The following CHRDL2 variants were observed in gnomAD, a reference collection of about 807,000 sequenced individuals.
CHRDL2 encodes chordin-like protein 2.
Under a neutral mutation model 54.3 loss-of-function variants are expected in CHRDL2, and 41 were observed. That is an observed-to-expected ratio of 0.76 (90% CI 0.59 to 0.98). CHRDL2 has a LOEUF of 0.98. CHRDL2 is among the 50% of genes least tolerant of loss of function. CHRDL2 has a pLI of 0.00. For missense variants in CHRDL2, 518 were observed against 562.4 expected, an observed-to-expected ratio of 0.92 and a Z score of 0.80; for synonymous variants, 220 against 224.3, an observed-to-expected ratio of 0.98 and a Z score of 0.17.
intron 9 of CHRDL2, chr11:74,697,598 C>A: frequency 2.0e-6 from 1 of 496,980 alleles, no homozygotes. Context: ...ATGTATACGT[C>A]ACCCTGTCAT....
At chr11:74,702,680 G>C in intron 9 of CHRDL2, 114 bp downstream of exon 9, 1 of 1,024,786 alleles carries the variant, frequency 9.8e-7, no homozygotes, top group Admixed American at 2.0e-5. Flanking sequence ...AAACCTGGCG[G>C]GGCAGCCAGA....
At chr11:74,726,724 C>T (rs988662524) in intron 1 of CHRDL2, among the ~76,000 whole-genome samples, 4 of 152,188 alleles carry the variant, frequency 2.6e-5, no homozygotes, top group African/African-American at 9.7e-5. Context: ...GGCTCAGCAG[C>T]CTGTGCGCCA....
At chr11:74,727,976 G>C (rs549396075) in intron 1 of CHRDL2, among the ~76,000 whole-genome samples, 2 of 152,248 alleles carry the variant, frequency 1.3e-5, no homozygotes, top group African/African-American at 4.8e-5. Context: ...GTACTGGTCA[G>C]TAACCAGGTC....
chr11:74,725,711 G>A (rs527856667), intron 1 of CHRDL2, among the ~76,000 whole-genome samples: 1 of 152,310 alleles, frequency 6.6e-6, no homozygotes, highest in South Asian at 2.1e-4. Flanking sequence ...GGCTGGAGGG[G>A]AGGCTGGTCA....
rs1028525888 is a variant in CHRDL2, at chr11:74,727,311, C to T, written c.82+3496G>A. On this transcript the variant is annotated intron_variant, in intron 1 of 10. Coordinates refer to ENST00000376332, the MANE Select transcript of CHRDL2 (RefSeq NM_001278473.3). Reference sequence around the variant, plus strand: ...CACATCCTACCAGCGGAGCTCCCTTCCTGTCCCATGCCTGCGTCTAGGGTC... The same window carrying T: ...CACATCCTACCAGCGGAGCTCCCTTTCTGTCCCATGCCTGCGTCTAGGGTC... 5.0e-4 allele frequency among the ~76,000 whole-genome samples: 76 copies of T among 152,212 alleles called. 1 individual carries two copies. The highest frequency in any genetic ancestry group is 1.2e-4 in the Non-Finnish European group (8 of 68,040).
At chr11:74,713,986 G>T (rs527307464) in intron 2 of CHRDL2, among the ~76,000 whole-genome samples, 3 of 152,254 alleles carry the variant, frequency 2.0e-5, no homozygotes, top group African/African-American at 7.2e-5. Flanking sequence ...CCTGGACAAA[G>T]CCTTTGGAGT....
intron 2 of CHRDL2, among the ~76,000 whole-genome samples, chr11:74,717,002 G>A (rs552380456): frequency 6.6e-6 from 1 of 152,298 alleles, no homozygotes; most frequent in African/African-American, 2.4e-5. Flanking sequence ...GCTGAGGTGG[G>A]AGGATTGTCT....
chr11:74,704,567 T>G lies in CHRDL2; in HGVS notation c.670A>C (p.Ser224Arg), dbSNP rs1405355133. The G allele has an allele frequency of 2.5e-6, 4 of 1,587,182 alleles. No homozygotes were observed. The South Asian group carries it at 4.6e-5, about 18-fold the overall frequency. ...GGTCTGAAGTGGCGAGGGATGAAGC[T>G]CAGAGGGGCGCTGAGGCCAGTGGGG... ...PAPTGLSAPLSFIPRHFRPKG... is the reference protein window; with the variant it reads ...PAPTGLSAPLRFIPRHFRPKG... Residue 224 changes from serine (S) to arginine (R), a missense_variant, in exon 7 of 11, where the codon AGC (serine) becomes CGC (arginine). By Grantham distance (110) the Ser-to-Arg change is moderately radical. Coordinates refer to ENST00000376332, the MANE Select transcript of CHRDL2 (RefSeq NM_001278473.3).
chr11:74,697,464 T>G, intron 9 of CHRDL2, 167 bp from the exon 10 acceptor site: 1 of 617,856 alleles, frequency 1.6e-6, no homozygotes, highest in South Asian at 1.8e-5. Flanking sequence ...TTTGAATCCA[T>G]TCTCCTATCT....
At chr11:74,716,610 G>A (rs979273958) in intron 2 of CHRDL2, among the ~76,000 whole-genome samples, 3 of 150,262 alleles carry the variant, frequency 2.0e-5, no homozygotes, top group Non-Finnish European at 4.4e-5. Flanking sequence ...AGCCCTCAGC[G>A]GGGAATTTGA....
chr11:74,697,086 C>A, intron 10 of CHRDL2, 119 bp downstream of exon 10: 2 of 714,984 alleles, frequency 2.8e-6, no homozygotes, highest in Non-Finnish European at 2.4e-6. Flanking sequence ...TGGGAACTGA[C>A]GTCTGTGGCT....
chr11:74,715,520 T>C (rs1000193620), intron 2 of CHRDL2, among the ~76,000 whole-genome samples: 1 of 151,550 alleles, frequency 6.6e-6, no homozygotes, highest in Non-Finnish European at 1.5e-5. Flanking sequence ...GAAGTATTGC[T>C]TGAACCTGGG....
At chr11:74,701,499 C>G (rs2135234288) in intron 9 of CHRDL2, 1 of 661,416 alleles carries the variant, frequency 1.5e-6, no homozygotes, top group Non-Finnish European at 2.8e-6. Context: ...CTTTCTTCGT[C>G]CATTCCTCCT....
chr11:74,706,366 AC>A, intron 6 of CHRDL2, 120 bp downstream of exon 6: 1 of 963,126 alleles, frequency 1.0e-6, no homozygotes, highest in Non-Finnish European at 1.6e-6. Context: ...CATGTAGCCA[AC>A]CCAGGGGACA....
chr11:74,697,391 C>A (rs986432211), intron 9 of CHRDL2, 94 bp from the exon 10 acceptor site: 6 of 814,630 alleles, frequency 7.4e-6, no homozygotes. Flanking sequence ...CGGACCCAAT[C>A]ACTCCCTCCC....
chr11:74,708,258 G>C (rs1331153197), intron 5 of CHRDL2, 44 bp downstream of exon 5: 1 of 1,374,604 alleles, frequency 7.3e-7, no homozygotes, highest in Non-Finnish European at 9.9e-7. Flanking sequence ...GGCCCATGGA[G>C]TGGAGGGGTG....
intron 1 of CHRDL2, among the ~76,000 whole-genome samples, chr11:74,725,371 C>A (rs1488119061): frequency 3.9e-5 from 6 of 152,152 alleles, no homozygotes; most frequent in Non-Finnish European, 7.3e-5. Flanking sequence ...TTTTACCTTG[C>A]CACCTAACAG....
chr11:74,717,577 T>C (rs1218317519), intron 2 of CHRDL2, among the ~76,000 whole-genome samples: 1 of 151,838 alleles, frequency 6.6e-6, no homozygotes, highest in Admixed American at 6.6e-5. Context: ...CAGTGGTGAG[T>C]CAGGAGGAAA....
chr11:74,709,000 A>G (rs1216240321), intron 4 of CHRDL2, among the ~76,000 whole-genome samples: 1 of 152,184 alleles, frequency 6.6e-6, no homozygotes, highest in East Asian at 1.9e-4. Flanking sequence ...GTGAAGATCC[A>G]GTGAGGGAAT....
Sources: gnomAD v4.1 joint callset for allele counts (sites outside exome capture counted in the v4.1 genomes callset) on GRCh38, gnomAD v4.1.1 for gene constraint, MANE v1.5 for transcripts, NCBI Gene and HGNC (gene_info 2026-07-23, HGNC 2026-07-21) for gene names.